Variants in CHRND observed in about 807,000 individuals in gnomAD.
The protein encoded by CHRND is acetylcholine receptor subunit delta.
A neutral mutation model predicts 57.8 loss-of-function variants in CHRND; 40 were observed. The ratio of observed to expected loss-of-function variants is 0.69; its 90% CI spans 0.54 to 0.90. The LOEUF (loss-of-function observed/expected upper bound fraction) is 0.90. Ranked by LOEUF, CHRND falls within the 40% of genes least tolerant of loss-of-function variation. The probability of loss-of-function intolerance (pLI) is 0.00; values close to 1 mark genes in which losing one functional copy is unlikely to be tolerated. For synonymous variants in CHRND, 237 were observed against 270.6 expected, an observed-to-expected ratio of 0.88 and a Z score of 1.22; for missense variants, 634 against 673.9, an observed-to-expected ratio of 0.94 and a Z score of 0.66.
Position 232,535,529 on chromosome 2 carries a change from T to C in CHRND, c.*217T>C, listed in dbSNP as rs1473600783. ...GAGGGTGGACATCGGCTACAGTGGGTGGGCAGGACGATTTGGGGGGAGGCC... is the reference window on the plus strand; with the variant it reads ...GAGGGTGGACATCGGCTACAGTGGGCGGGCAGGACGATTTGGGGGGAGGCC... On this transcript the variant is annotated 3_prime_UTR_variant, in exon 12 of 12. Coordinates refer to ENST00000258385, the MANE Select transcript of CHRND (RefSeq NM_000751.3). 1.4e-6 allele frequency: 1 copy of C among 717,404 alleles called. No homozygotes were observed. Among genetic ancestry groups the C allele is most frequent in the Non-Finnish European group, 2.5e-6 (1 of 407,496 alleles). The allele number at this position is 717,404 out of a possible 1,614,324, so 44.4% of individuals were successfully genotyped here. A position where few individuals can be genotyped will look rare whatever the true frequency, so the allele number is the denominator to read the frequency against.
chr2:232,531,655 A>T lies in CHRND; in HGVS notation c.1046A>T (p.Lys349Met). The change falls in exon 9 of 12, where the codon AAG becomes ATG. Residue 349 changes from lysine (K) to methionine (M), a missense_variant and splice_region_variant. Transcript: ENST00000258385. ...CATGTGCTGTCTGAGGGGGTCAAGA[A>T]GGTGAGTACTTGGCCCGGCGCAAAA... ...STHVLSEGVK[K>M]LFLETLPELL... The T allele has an allele frequency of 1.9e-6, 3 of 1,612,334 alleles. No homozygotes were observed. In the South Asian group the frequency reaches 3.3e-5, roughly 18 times the overall value.
chr2:232,528,705 G>C, intron 5 of CHRND, 49 bp downstream of exon 5: 1 of 1,612,912 alleles, frequency 6.2e-7, no homozygotes, highest in Non-Finnish European at 8.5e-7. Context: ...CCCTGCCAGA[G>C]GCCAAAGAAG....
chr2:232,534,350 A>T lies in CHRND; in HGVS notation c.1371+8A>T. 6.2e-7 allele frequency: 1 copy of T among 1,612,500 alleles called. No homozygotes were observed. The highest frequency in any genetic ancestry group is 1.7e-5 in the Admixed American group (1 of 60,030). On this transcript the variant is annotated splice_region_variant and intron_variant, in intron 11 of 11. Coordinates refer to ENST00000258385, the MANE Select transcript of CHRND (RefSeq NM_000751.3). ...CAGAACAATTACAATGAGGTAAGGG[A>T]CCACAGGATTGCCATGTACAGGTGT...
chr2:232,533,422 G>A (rs1160238763), intron 9 of CHRND, among the ~76,000 whole-genome samples: 1 of 152,180 alleles, frequency 6.6e-6, no homozygotes, highest in East Asian at 1.9e-4. Flanking sequence ...TAGTGAATGG[G>A]TTCTGCTCCG....
chr2:232,528,232 T>G (rs536718768), intron 3 of CHRND, 30 bp from the exon 4 acceptor site: 1 of 1,600,616 alleles, frequency 6.2e-7, no homozygotes, highest in African/African-American at 1.3e-5. Context: ...GGCTGCAGAG[T>G]GCACTGGTGA....
chr2:232,528,767 G>T, intron 5 of CHRND, 95 bp from the exon 6 acceptor site: 2 of 1,580,844 alleles, frequency 1.3e-6, no homozygotes, highest in Non-Finnish European at 1.7e-6. Flanking sequence ...GATTAGTGCT[G>T]CCCTCCCCAC....
chr2:232,526,727 G>A, intron 2 of CHRND, 53 bp downstream of exon 2: 1 of 1,593,456 alleles, frequency 6.3e-7, no homozygotes, highest in Non-Finnish European at 8.6e-7. Context: ...TGGCTTTCCA[G>A]TACCAGGATA....
Position 232,535,316 on chromosome 2 carries a change from G to A in CHRND, c.*4G>A, listed in dbSNP as rs868658762. Reference sequence around the variant, plus strand: ...GCAGGACAAGCGCTTCATCTAGGGTGGGCCTGTTGGGGAGCCAGGAGACAG... The same window carrying A: ...GCAGGACAAGCGCTTCATCTAGGGTAGGCCTGTTGGGGAGCCAGGAGACAG... On this transcript the variant is annotated 3_prime_UTR_variant, in exon 12 of 12. Coordinates refer to ENST00000258385, the MANE Select transcript of CHRND (RefSeq NM_000751.3). The A allele has an allele frequency of 1.2e-6, 2 of 1,612,596 alleles. No individual in the cohort carries two copies. The highest frequency in any genetic ancestry group is 1.7e-6 in the Non-Finnish European group (2 of 1,180,026).
At position 232,534,078 on chromosome 2, in the gene CHRND, C is replaced by A. The variant is rs768633138; in HGVS notation, c.1195C>A (p.Leu399Ile). The part of the protein sequence containing the change: ...EYFLLKSRSD[L>I]MFEKQSERHG... ...CTTCCTGCTCAAGTCCCGCAGTGACCTCATGTTCGAGAAGCAGTCAGAGCG... is the reference window on the plus strand; with the variant it reads ...CTTCCTGCTCAAGTCCCGCAGTGACATCATGTTCGAGAAGCAGTCAGAGCG... The change falls in exon 10 of 12, where the codon CTC (leucine) becomes ATC (isoleucine). Residue 399 changes from leucine to isoleucine, a missense_variant. Coordinates refer to ENST00000258385, the MANE Select transcript of CHRND (RefSeq NM_000751.3). 1 of 1,613,998 alleles carries A rather than the reference C, an allele frequency of 6.2e-7. No individual in the cohort carries two copies. The highest frequency in any genetic ancestry group is 1.7e-5 in the Admixed American group (1 of 60,006).
intron 5 of CHRND, 65 bp downstream of exon 5, chr2:232,528,721 T>G (rs1403104670): frequency 1.2e-6 from 2 of 1,610,634 alleles, no homozygotes; most frequent in South Asian, 2.2e-5. Flanking sequence ...AGAAGGTGAC[T>G]GAAGCACCCT....
At position 232,536,080 on chromosome 2, in the gene CHRND, C is replaced by T. The variant is rs1308774735; in HGVS notation, c.*768C>T. 6.6e-6 allele frequency: 3 copies of T among 454,028 alleles called. No individual in the cohort carries two copies. Among genetic ancestry groups the T allele is most frequent in the Non-Finnish European group, 1.3e-5 (3 of 226,804 alleles). The allele number at this position is 454,028 out of a possible 1,614,324, so 28.1% of individuals were successfully genotyped here. ...TCGTTGTTTCTCTGAAATTTGTCCCCTATTTTTATTTGCTAAATCTAGCAA... is the reference window on the plus strand; with the variant it reads ...TCGTTGTTTCTCTGAAATTTGTCCCTTATTTTTATTTGCTAAATCTAGCAA... On this transcript the variant is annotated 3_prime_UTR_variant, in exon 12 of 12. Coordinates refer to ENST00000258385, the MANE Select transcript of CHRND (RefSeq NM_000751.3).
chr2:232,530,122 T>C lies in CHRND; in HGVS notation c.803T>C (p.Phe268Ser), dbSNP rs1176004468. ...ATCTCCTTCATGGTCAACCTGGTCT[T>C]CTACCTACCGGCTGACAGTGAGCCT... ...VLISFMVNLV[F>S]YLPADSGEKT... The change falls in exon 7 of 12, where the codon TTC becomes TCC. Residue 268 changes from phenylalanine to serine, a missense_variant. Phe to Ser is a radical substitution (Grantham distance 155). Coordinates refer to ENST00000258385, the MANE Select transcript of CHRND (RefSeq NM_000751.3). 6.2e-7 allele frequency: 1 copy of C among 1,613,966 alleles called. No homozygotes were observed. The highest frequency in any genetic ancestry group is 2.2e-5 in the East Asian group (1 of 44,900).
chr2:232,528,173 C>T, intron 3 of CHRND, 89 bp from the exon 4 acceptor site: 1 of 1,239,758 alleles, frequency 8.1e-7, no homozygotes, highest in Non-Finnish European at 1.2e-6. Flanking sequence ...AGCTCTCAGA[C>T]CCTGTTCAGT....
chr2:232,532,341 G>A (rs892297512), intron 9 of CHRND, among the ~76,000 whole-genome samples: 2 of 151,426 alleles, frequency 1.3e-5, no homozygotes, highest in East Asian at 1.9e-4. Context: ...GATAGTGTGC[G>A]CTTGTAATCC....
intron 6 of CHRND, 52 bp from the exon 7 acceptor site, chr2:232,529,887 C>T (rs1691617401): frequency 6.3e-7 from 1 of 1,594,244 alleles, no homozygotes; most frequent in East Asian, 2.2e-5. Context: ...CCAGGCCCTG[C>T]CTAGCCCCCT....
intron 1 of CHRND, 105 bp downstream of exon 1, chr2:232,526,372 C>T: frequency 6.6e-7 from 1 of 1,517,140 alleles, no homozygotes; most frequent in South Asian, 1.2e-5. Context: ...CCATCTCTCC[C>T]TGTGGGGGGC....
At chr2:232,529,828 C>T in intron 6 of CHRND, 111 bp from the exon 7 acceptor site, 1 of 1,135,084 alleles carries the variant, frequency 8.8e-7, no homozygotes, top group Non-Finnish European at 1.3e-6. Context: ...GTAGACAGCC[C>T]ATCTGCGTCT....
intron 9 of CHRND, among the ~76,000 whole-genome samples, chr2:232,533,485 AG>A (rs1278583036): frequency 6.6e-6 from 1 of 152,226 alleles, no homozygotes; most frequent in African/African-American, 2.4e-5. Flanking sequence ...CATCAGTAGG[AG>A]ATCGGGGAAT....
intron 1 of CHRND, 101 bp from the exon 2 acceptor site, chr2:232,526,428 T>A: frequency 2.5e-6 from 4 of 1,582,170 alleles, no homozygotes; most frequent in Non-Finnish European, 3.5e-6. Context: ...GGTTCCCCCC[T>A]GCTCATCCCA....
Sources: gnomAD v4.1 joint callset for allele counts (sites outside exome capture counted in the v4.1 genomes callset) on GRCh38, gnomAD v4.1.1 for gene constraint, MANE v1.5 for transcripts, NCBI Gene and HGNC (gene_info 2026-07-23, HGNC 2026-07-21) for gene names.